The following WWOX variants were observed in gnomAD, a reference collection of about 807,000 sequenced individuals.
The protein encoded by WWOX is WW domain-containing oxidoreductase.
In WWOX, 69 loss-of-function variants were observed where a neutral mutation model predicts 46.2. That is an observed-to-expected ratio of 1.49 (90% CI 1.23 to 1.82). The LOEUF is 1.82. Ranked by LOEUF, WWOX falls within the 40% of genes most tolerant of loss-of-function variation. The pLI is 0.00. For synonymous variants in WWOX, 359 were observed against 202.6 expected (o/e 1.77, Z -6.56); for missense variants, 919 against 542.6 (o/e 1.69, Z -6.89).
At chr16:78,417,331 G>T (rs533288186) in intron 6 of WWOX, among the ~76,000 whole-genome samples, 1 of 152,214 alleles carries the variant, frequency 6.6e-6, no homozygotes, top group African/African-American at 2.4e-5. Flanking sequence ...GAGTCCAAAA[G>T]ATGCTGCTGT....
chr16:78,573,499 C>T (rs892356048), intron 8 of WWOX, among the ~76,000 whole-genome samples: 1 of 152,176 alleles, frequency 6.6e-6, no homozygotes, highest in African/African-American at 2.4e-5. Flanking sequence ...GATGCATCTT[C>T]CTAAAACACA....
At chr16:78,689,891 C>G (rs1044741486) in intron 8 of WWOX, among the ~76,000 whole-genome samples, 1 of 151,988 alleles carries the variant, frequency 6.6e-6, no homozygotes, top group Non-Finnish European at 1.5e-5. Flanking sequence ...GACAGGGTCT[C>G]ACTCTGTTGC....
rs959767485 is a variant in WWOX at position 78,741,361 on chromosome 16, G to A, written c.1056+308609G>A. 2.6e-5 allele frequency among the ~76,000 whole-genome samples: 4 copies of A among 152,170 alleles called. No individual in the cohort carries two copies. The East Asian group carries it at 7.7e-4, about 29-fold the overall frequency. On this transcript the variant is annotated intron_variant, in intron 8 of 8. Transcript: ENST00000566780. Reference sequence around the variant, plus strand: ...AGATTACTTGAGGTCAGGAGATCGAGATCAGCCGGGCCAACCTGGTGAGAT... The same window carrying A: ...AGATTACTTGAGGTCAGGAGATCGAAATCAGCCGGGCCAACCTGGTGAGAT...
chr16:78,201,778 C>T (rs1567423814), intron 5 of WWOX, among the ~76,000 whole-genome samples: 1 of 152,026 alleles, frequency 6.6e-6, no homozygotes, highest in Non-Finnish European at 1.5e-5. Flanking sequence ...TGACTCACTG[C>T]AACCTCTGCC....
intron 5 of WWOX, among the ~76,000 whole-genome samples, chr16:78,302,480 C>G (rs971870700): frequency 6.6e-6 from 1 of 152,178 alleles, no homozygotes; most frequent in Non-Finnish European, 1.5e-5. Flanking sequence ...TCCACTGCCT[C>G]AGGAGATATT....
At chr16:78,762,736 C>G (rs1348533176) in intron 8 of WWOX, among the ~76,000 whole-genome samples, 1 of 152,148 alleles carries the variant, frequency 6.6e-6, no homozygotes, top group African/African-American at 2.4e-5. Context: ...GTTTCAAGTC[C>G]AAATTCTACT....
At chr16:79,044,393 T>G (rs1051087824) in intron 8 of WWOX, among the ~76,000 whole-genome samples, 4 of 152,184 alleles carry the variant, frequency 2.6e-5, no homozygotes, top group Non-Finnish European at 5.9e-5. Flanking sequence ...GGATTTCTCA[T>G]GAATGGTTTA....
At chr16:78,966,627 T>C (rs2046367645) in intron 8 of WWOX, among the ~76,000 whole-genome samples, 1 of 152,192 alleles carries the variant, frequency 6.6e-6, no homozygotes, top group Non-Finnish European at 1.5e-5. Flanking sequence ...AAATATAGTA[T>C]GTATTAATAA....
chr16:78,100,439 G>C (rs992445029), intron 1 of WWOX, among the ~76,000 whole-genome samples: 1 of 152,162 alleles, frequency 6.6e-6, no homozygotes, highest in Non-Finnish European at 1.5e-5. Context: ...TATTTGTAGA[G>C]ACTAGGGTCG....
intron 8 of WWOX, among the ~76,000 whole-genome samples, chr16:78,474,315 G>A (rs2084304501): frequency 6.6e-6 from 1 of 152,126 alleles, no homozygotes; most frequent in South Asian, 2.1e-4. Flanking sequence ...TGCTTATTTT[G>A]ATTTCAGCAC....
At chr16:78,254,814 C>A (rs888895161) in intron 5 of WWOX, among the ~76,000 whole-genome samples, 1 of 152,150 alleles carries the variant, frequency 6.6e-6, no homozygotes, top group Non-Finnish European at 1.5e-5. Flanking sequence ...CAGGTGTGAA[C>A]CACCACATCT....
intron 8 of WWOX, among the ~76,000 whole-genome samples, chr16:79,001,163 T>A (rs1458519996): frequency 6.6e-6 from 1 of 152,216 alleles, no homozygotes; most frequent in Non-Finnish European, 1.5e-5. Flanking sequence ...TTTAATTTGC[T>A]GCTGAATGCA....
chr16:78,958,375 C>T (rs988593673), intron 8 of WWOX, among the ~76,000 whole-genome samples: 4 of 152,174 alleles, frequency 2.6e-5, no homozygotes, highest in Non-Finnish European at 5.9e-5. Flanking sequence ...TACAAACCCC[C>T]ATGGAAATAT....
intron 8 of WWOX, among the ~76,000 whole-genome samples, chr16:78,880,257 T>C (rs762148288): frequency 6.6e-6 from 1 of 152,234 alleles, no homozygotes; most frequent in African/African-American, 2.4e-5. Flanking sequence ...CTTACATAGA[T>C]GGAAACATCT....
chr16:78,406,357 TTATTA>T (rs1567553502), intron 6 of WWOX, among the ~76,000 whole-genome samples: 35 of 118,346 alleles, frequency 3.0e-4, no homozygotes, highest in African/African-American at 1.1e-3. Context: ...TATATATATT[TTATTA>T]TTTTTTTTTG....
chr16:78,581,064 AT>A (rs1011166796), intron 8 of WWOX, among the ~76,000 whole-genome samples: 14 of 150,136 alleles, frequency 9.3e-5, no homozygotes, highest in Non-Finnish European at 8.9e-5. Flanking sequence ...AGAGTGGTTG[AT>A]TTTTTTTTTA....
At chr16:78,601,145 G>A (rs1252806197) in intron 8 of WWOX, among the ~76,000 whole-genome samples, 2 of 152,180 alleles carry the variant, frequency 1.3e-5, no homozygotes, top group East Asian at 3.9e-4. Context: ...GGGATGGAGA[G>A]GCAAACCCAG....
At chr16:78,534,012 G>A (rs535827994) in intron 8 of WWOX, among the ~76,000 whole-genome samples, 2 of 152,274 alleles carry the variant, frequency 1.3e-5, no homozygotes, top group Middle Eastern at 3.4e-3. Context: ...GAGGATGAAT[G>A]AGTGATGGGT....
chr16:78,246,896 A>T (rs1329832715), intron 5 of WWOX, among the ~76,000 whole-genome samples: 1 of 151,832 alleles, frequency 6.6e-6, no homozygotes, highest in African/African-American at 2.4e-5. Flanking sequence ...AAATCCTTGG[A>T]CCCCAGAGTG....
Sources: allele counts gnomAD v4.1 joint callset (sites outside exome capture counted in the v4.1 genomes callset), GRCh38; gene constraint gnomAD v4.1.1; transcripts MANE v1.5; gene names NCBI Gene and HGNC (gene_info 2026-07-23, HGNC 2026-07-21).